Variants in GPR162 observed in about 807,000 individuals in gnomAD.
The protein encoded by GPR162 is G protein-coupled receptor 162, also known as probable G protein-coupled receptor 162.
A neutral mutation model predicts 44.9 loss-of-function variants in GPR162; 26 were observed. The ratio of observed to expected loss-of-function variants is 0.58; its 90% CI spans 0.42 to 0.80. The LOEUF is 0.80. Among genes scored for constraint, GPR162 ranks in the 30% least tolerant of loss-of-function variants. The pLI, the probability that GPR162 is intolerant of heterozygous loss-of-function variation, is 0.00. For missense variants in GPR162, 704 were observed against 802.3 expected (o/e 0.88, Z 1.48); for synonymous variants, 363 against 335.2 (o/e 1.08, Z -0.91).
rs1335500263 is a variant in GPR162 at position 6,822,859 on chromosome 12, CCT to C, written c.-431-606_-431-605del. On this transcript the variant is annotated intron_variant, in intron 1 of 4. Coordinates refer to ENST00000311268, the MANE Select transcript of GPR162 (RefSeq NM_019858.2). The surrounding 1 kb of genome is among the most constrained non-coding windows in gnomAD (Gnocchi z 4.2). Reference sequence around the variant, plus strand: ...ACTCTCCTCCTTCTCCCTAGTTCCCCCTCTTTCCATTTCTGGATGCTTCTGAT... The same window carrying C: ...ACTCTCCTCCTTCTCCCTAGTTCCCCCTTTCCATTTCTGGATGCTTCTGAT... Among the ~76,000 whole-genome samples, 3 of 152,102 alleles carry C rather than the reference CCT, an allele frequency of 2.0e-5. No homozygotes were observed. The highest frequency in any genetic ancestry group is 7.2e-5 in the African/African-American group (3 of 41,446).
intron 4 of GPR162, 84 bp from the exon 5 acceptor site, chr12:6,826,569 A>G: frequency 7.7e-7 from 1 of 1,293,252 alleles, no homozygotes; most frequent in Non-Finnish European, 1.1e-6. Flanking sequence ...AGAAGGTGGC[A>G]CCATCTTCCG....
At chr12:6,826,572 ATCTTCC>A in intron 4 of GPR162, 75 bp from the exon 5 acceptor site, 1 of 1,301,492 alleles carries the variant, frequency 7.7e-7, no homozygotes, top group South Asian at 1.4e-5. Context: ...AGGTGGCACC[ATCTTCC>A]GGAGTCCCCA....
intron 2 of GPR162, 196 bp downstream of exon 2, chr12:6,824,961 C>A: frequency 1.4e-6 from 1 of 703,050 alleles, no homozygotes; most frequent in Non-Finnish European, 2.6e-6. Flanking sequence ...GTTCCCACTA[C>A]CCTGTTTACC....
rs782062580 is a variant in GPR162 at position 6,823,728 on chromosome 12, C to T, written c.-171C>T. 6.2e-7 allele frequency: 1 copy of T among 1,610,456 alleles called. No homozygotes were observed. The highest frequency in any genetic ancestry group is 2.2e-5 in the East Asian group (1 of 44,854). ...TCCTCCCCTGCCCTCTACATCTGCCCTCAGCTGGGTCCATCATGCAATGCT... is the reference window on the plus strand; with the variant it reads ...TCCTCCCCTGCCCTCTACATCTGCCTTCAGCTGGGTCCATCATGCAATGCT... On this transcript the variant is annotated 5_prime_UTR_variant, in exon 2 of 5. Coordinates refer to ENST00000311268, the MANE Select transcript of GPR162 (RefSeq NM_019858.2).
intron 4 of GPR162, 150 bp downstream of exon 4, chr12:6,826,503 C>A (rs782303875): frequency 7.4e-5 from 77 of 1,047,592 alleles, no homozygotes; most frequent in Non-Finnish European, 9.4e-5. Flanking sequence ...AGAGAGGCAT[C>A]CCTTCAGACC....
Position 6,827,212 on chromosome 12 carries a change from C to A in GPR162, c.*8C>A, listed in dbSNP as rs370837160. On this transcript the variant is annotated 3_prime_UTR_variant, in exon 5 of 5. Transcript: ENST00000311268. ...CCCCAGCTGACCCTGTGAGCCCAAG[C>A]AGGCCTGCTGAACTCAGAGGAGAAA... The A allele has an allele frequency of 4.4e-6, 7 of 1,591,416 alleles. No homozygotes were observed. The highest frequency in any genetic ancestry group is 1.8e-5 in the Admixed American group (1 of 56,764).
Position 6,823,996 on chromosome 12 carries a change from G to T in GPR162, c.98G>T (p.Trp33Leu). ...CGLLALLANA[W>L]IILSISAKQQ... Reference sequence around the variant, plus strand: ...CTCCTGGCGCTGCTGGCCAATGCCTGGATCATCCTCAGCATCTCGGCCAAG... The same window carrying T: ...CTCCTGGCGCTGCTGGCCAATGCCTTGATCATCCTCAGCATCTCGGCCAAG... Residue 33 changes from tryptophan (W) to leucine (L), a missense_variant, in exon 2 of 5, where the codon TGG becomes TTG. By Grantham distance (61) the Trp-to-Leu change is moderately conservative. Around this residue, in one of 6 missense-constraint regions of GPR162, gnomAD observed 110 missense variants for 206.2 expected, o/e 0.53. Coordinates refer to ENST00000311268, the MANE Select transcript of GPR162 (RefSeq NM_019858.2). The T allele has an allele frequency of 6.2e-7, 1 of 1,607,994 alleles. No homozygotes were observed.
chr12:6,824,376 G>A lies in GPR162; in HGVS notation c.478G>A (p.Gly160Ser), dbSNP rs782491554. Residue 160 changes from glycine (G) to serine (S), a missense_variant, in exon 2 of 5, where the codon GGC becomes AGC. This residue lies in a region of GPR162 where 110 missense variants were observed against 206.2 expected (regional missense o/e 0.53). Coordinates refer to ENST00000311268, the MANE Select transcript of GPR162 (RefSeq NM_019858.2). The stretch of plus-strand genomic sequence containing the variant: ...GCCCTCCATTGGCTGGCACAACAAC[G>A]GCGAGCGCTACTATGCCCGCGGCTG... ...TLPSIGWHNN[G>S]ERYYARGCQF... 9.9e-6 allele frequency: 16 copies of A among 1,614,072 alleles called. No individual in the cohort carries two copies. The highest frequency in any genetic ancestry group is 1.7e-5 in the Admixed American group (1 of 60,014).
rs781851941 is a variant in GPR162, at chr12:6,826,565, T to C, written c.1216-88T>C. ...GCAAACGTTTTGAAGGTTAAGAAGGTGGCACCATCTTCCGGAGTCCCCACT... is the reference window on the plus strand; with the variant it reads ...GCAAACGTTTTGAAGGTTAAGAAGGCGGCACCATCTTCCGGAGTCCCCACT... On this transcript the variant is annotated intron_variant, in intron 4 of 4. Transcript: ENST00000311268. 5.5e-6 allele frequency: 7 copies of C among 1,264,850 alleles called. No homozygotes were observed. The Admixed American group carries it at 1.4e-4, about 25-fold the overall frequency. 78.4% of individuals were successfully genotyped at this position (1,264,850 alleles called of 1,614,324 possible).
Position 6,827,013 on chromosome 12 carries a change from C to G in GPR162, c.1576C>G (p.Arg526Gly). 6.2e-7 allele frequency: 1 copy of G among 1,613,314 alleles called. No individual in the cohort carries two copies. Among genetic ancestry groups the G allele is most frequent in the Non-Finnish European group, 8.5e-7 (1 of 1,180,012 alleles). The change falls in exon 5 of 5, where the codon CGT becomes GGT. Residue 526 changes from arginine to glycine, a missense_variant. Coordinates refer to ENST00000311268, the MANE Select transcript of GPR162 (RefSeq NM_019858.2). ...GACTGCCTCACCAGGGCACTCTCCT[C>G]GTCGGCCCCGGCCACTGGGCCTCTC... The part of the protein sequence containing the change: ...SPTASPGHSP[R>G]RPRPLGLSPR...
Position 6,823,864 on chromosome 12 carries a change from C to G in GPR162, c.-35C>G. 2 of 1,578,882 alleles carry G rather than the reference C, an allele frequency of 1.3e-6. No homozygotes were observed. The highest frequency in any genetic ancestry group is 1.7e-6 in the Non-Finnish European group (2 of 1,158,986). ...CTGGGTGAGACCTAGCCCCCACCCC[C>G]ACAGAGCTCAAGGGGGTGGGGGGCT... On this transcript the variant is annotated 5_prime_UTR_variant, in exon 2 of 5. Coordinates refer to ENST00000311268, the MANE Select transcript of GPR162 (RefSeq NM_019858.2).
At chr12:6,826,085 C>A in intron 3 of GPR162, 111 bp from the exon 4 acceptor site, 1 of 792,956 alleles carries the variant, frequency 1.3e-6, no homozygotes, top group Non-Finnish European at 2.1e-6. Flanking sequence ...CCTCTTGGAA[C>A]ATACATGCTA....
At position 6,824,423 on chromosome 12, in the gene GPR162, C is replaced by G; in HGVS notation, c.525C>G (p.Ile175Met). 1 of 1,614,230 alleles carries G rather than the reference C, an allele frequency of 6.2e-7. No individual in the cohort carries two copies. The change falls in exon 2 of 5, where the codon ATC (isoleucine) becomes ATG (methionine). Residue 175 changes from isoleucine (I) to methionine (M), a missense_variant. Ile to Met is a conservative substitution (Grantham distance 10). Around this residue, in one of 6 missense-constraint regions of GPR162, gnomAD observed 12 missense variants for 46.6 expected, o/e 0.26. Transcript: ENST00000311268. Reference sequence around the variant, plus strand: ...GCTGCCAGTTCATAGTCTCCAAGATCGGCCTCGGCTTTGGCGTTTGCTTCA... The same window carrying G: ...GCTGCCAGTTCATAGTCTCCAAGATGGGCCTCGGCTTTGGCGTTTGCTTCA... ...ARGCQFIVSKIGLGFGVCFSL... is the reference protein window; with the variant it reads ...ARGCQFIVSKMGLGFGVCFSL...
rs782425505 is a variant in GPR162 at position 6,824,474 on chromosome 12, C to T, written c.576C>T (p.Val192=). The change falls in exon 2 of 5, where the codon GTC becomes GTT. Residue 192 remains valine, a synonymous_variant. Transcript: ENST00000311268. ...GCCTCTTGCTACTTGGGGGAATTGT[C>T]ATGGGTCTGGTCTGTGTGGCCATCA... ...CFSLLLLGGI[V]MGLVCVAITF... 5 of 1,613,814 alleles carry T rather than the reference C, an allele frequency of 3.1e-6. No individual in the cohort carries two copies. The highest frequency in any genetic ancestry group is 1.3e-5 in the African/African-American group (1 of 74,812).
intron 2 of GPR162, 184 bp from the exon 3 acceptor site, chr12:6,825,300 G>A (rs534867742): frequency 6.7e-6 from 4 of 600,340 alleles, no homozygotes; most frequent in Non-Finnish European, 1.2e-5. Flanking sequence ...CACTCTCCCC[G>A]ACCTTCCTCT....
In GPR162 at chr12:6,824,301, C is replaced by T. The variant is rs782506125; in HGVS notation, c.403C>T (p.Leu135=). The T allele has an allele frequency of 8.7e-6, 14 of 1,613,944 alleles. No individual in the cohort carries two copies. The highest frequency in any genetic ancestry group is 1.2e-5 in the Non-Finnish European group (14 of 1,179,972). ...CCTCAGCAACGCCAAGAAGCAGGCA[C>T]TGCATGCCGTCATGGGCATCTGGAT... ...YRLSNAKKQA[L]HAVMGIWMVS... is the part of the protein sequence containing the mutation. The change falls in exon 2 of 5, where the codon CTG becomes TTG. Residue 135 remains leucine (L), a synonymous_variant. Coordinates refer to ENST00000311268, the MANE Select transcript of GPR162 (RefSeq NM_019858.2).
chr12:6,826,247 A>G lies in GPR162; in HGVS notation c.1109A>G (p.Asp370Gly). The G allele has an allele frequency of 6.2e-7, 1 of 1,614,020 alleles. No individual in the cohort carries two copies. The highest frequency in any genetic ancestry group is 8.5e-7 in the Non-Finnish European group (1 of 1,179,952). ...AEGRVCKVRFDANGATGPGSR... is the reference protein window; with the variant it reads ...AEGRVCKVRFGANGATGPGSR... ...GGCCGAGTTTGCAAAGTTCGCTTTG[A>G]TGCTAACGGAGCCACAGGACCAGGG... The change falls in exon 4 of 5, where the codon GAT becomes GGT. Residue 370 changes from aspartate (D) to glycine (G), a missense_variant. By Grantham distance (94) the Asp-to-Gly change is moderately conservative. Around this residue, in one of 6 missense-constraint regions of GPR162, gnomAD observed 404 missense variants for 314.1 expected, o/e 1.29. Coordinates refer to ENST00000311268, the MANE Select transcript of GPR162 (RefSeq NM_019858.2).
rs782436180 is a variant in GPR162, at chr12:6,826,901, G to A, written c.1464G>A (p.Leu488=). Residue 488 remains leucine (L), a synonymous_variant, in exon 5 of 5, where the codon CTG becomes CTA. Coordinates refer to ENST00000311268, the MANE Select transcript of GPR162 (RefSeq NM_019858.2). ...GCCAATTCTTGGAGAGTGGGGTTCT[G>A]GGGTCAGGTGGGGGACCCCCACGGG... ...SLRQFLESGV[L]GSGGGPPRGP... is the part of the protein sequence containing the mutation. The A allele has an allele frequency of 6.2e-7, 1 of 1,613,502 alleles. No homozygotes were observed. The highest frequency in any genetic ancestry group is 1.1e-5 in the South Asian group (1 of 91,086).
At position 6,824,241 on chromosome 12, in the gene GPR162, C is replaced by G; in HGVS notation, c.343C>G (p.Arg115Gly). The G allele has an allele frequency of 6.2e-7, 1 of 1,614,062 alleles. No individual in the cohort carries two copies. Among genetic ancestry groups the G allele is most frequent in the Non-Finnish European group, 8.5e-7 (1 of 1,180,042 alleles). The change falls in exon 2 of 5, where the codon CGC becomes GGC. Residue 115 changes from arginine (R) to glycine (G), a missense_variant. Around this residue, in one of 6 missense-constraint regions of GPR162, gnomAD observed 110 missense variants for 206.2 expected, o/e 0.53. Coordinates refer to ENST00000311268, the MANE Select transcript of GPR162 (RefSeq NM_019858.2). Reference sequence around the variant, plus strand: ...CACGGTCGCCTCCCTCTCCTACCATCGCATGTGGATGGTGCGCTGGCCCGT... The same window carrying G: ...CACGGTCGCCTCCCTCTCCTACCATGGCATGTGGATGGTGCGCTGGCCCGT... ...CFTVASLSYH[R>G]MWMVRWPVNY...
Sources: allele counts gnomAD v4.1 joint callset (sites outside exome capture counted in the v4.1 genomes callset), GRCh38; gene constraint gnomAD v4.1.1; regional missense constraint gnomAD v4.1.1; non-coding constraint Gnocchi (gnomAD v3.1); transcripts MANE v1.5; gene names NCBI Gene and HGNC (gene_info 2026-07-23, HGNC 2026-07-21).